Variants in DROSHA observed in about 807,000 individuals in gnomAD.
DROSHA encodes the protein drosha ribonuclease III, also known as ribonuclease 3.
A neutral mutation model predicts 181.9 loss-of-function variants in DROSHA; 56 were observed. The observed-to-expected ratio is 0.31, with a 90% confidence interval of 0.25 to 0.38. The LOEUF is 0.38. Ranked by LOEUF, DROSHA falls within the 10% of genes least tolerant of loss-of-function variation. The pLI is 1.00. For synonymous variants in DROSHA, 524 were observed against 591.2 expected, an observed-to-expected ratio of 0.89 and a Z score of 1.65; for missense variants, 1,218 against 1,743.5, an observed-to-expected ratio of 0.70 and a Z score of 5.37.
chr5:31,493,511 G>A (rs757711361), intron 12 of DROSHA, among the ~76,000 whole-genome samples: 5 of 152,130 alleles, frequency 3.3e-5, no homozygotes, highest in South Asian at 2.1e-4. Context: ...GTAATATTAT[G>A]GGTGCCATAA....
In DROSHA at chr5:31,502,666, G is replaced by A. The variant is rs552727926; in HGVS notation, c.1668+1889C>T. On this transcript the variant is annotated intron_variant, in intron 11 of 35. Coordinates refer to ENST00000344624, the MANE Select transcript of DROSHA (RefSeq NM_001382508.1). ...GGATCCCCACAGCTCCACCACTGTT[G>A]CACCAGCTCCCCTCCCTCAGCTGAT... Among the ~76,000 whole-genome samples the A allele has an allele frequency of 2.3e-4, 35 of 152,352 alleles. 1 individual carries two copies. The South Asian group carries it at 7.0e-3, about 31-fold the overall frequency.
chr5:31,464,520 G>A (rs1160583277), intron 19 of DROSHA, among the ~76,000 whole-genome samples, 177 bp from the exon 20 acceptor site: 1 of 148,280 alleles, frequency 6.7e-6, no homozygotes, highest in Non-Finnish European at 1.5e-5. Context: ...AATGCTCAAA[G>A]CTTGGGGTAT....
At chr5:31,488,650 T>C (rs1214949518) in intron 13 of DROSHA, among the ~76,000 whole-genome samples, 5 of 152,190 alleles carry the variant, frequency 3.3e-5, no homozygotes, top group Non-Finnish European at 5.9e-5. Context: ...TCAGGGCTTA[T>C]GGATATATGG....
At chr5:31,442,088 A>T (rs1745665533) in intron 23 of DROSHA, among the ~76,000 whole-genome samples, 1 of 152,238 alleles carries the variant, frequency 6.6e-6, no homozygotes, top group Non-Finnish European at 1.5e-5. Flanking sequence ...TCATGGAGAC[A>T]AAAACTACAT....
Position 31,401,303 on chromosome 5 carries a change from G to A in DROSHA, c.*129C>T, listed in dbSNP as rs139722849. The A allele has an allele frequency of 2.7e-5, 33 of 1,244,348 alleles. No homozygotes were observed. The East Asian group carries it at 4.5e-4, about 17-fold the overall frequency. The allele number at this position is 1,244,348 out of a possible 1,614,324, so 77.1% of individuals were successfully genotyped here. A position where few individuals can be genotyped will look rare whatever the true frequency, so the allele number is the denominator to read the frequency against. Reference sequence around the variant, plus strand: ...AACAGATCATTAAAACAACAATAGCGATTTGACTCTGTATTTTATTTCAAT... The same window carrying A: ...AACAGATCATTAAAACAACAATAGCAATTTGACTCTGTATTTTATTTCAAT... On this transcript the variant is annotated 3_prime_UTR_variant, in exon 36 of 36. Transcript: ENST00000344624.
chr5:31,466,593 T>C (rs1749039748), intron 18 of DROSHA: 1 of 228,806 alleles, frequency 4.4e-6, no homozygotes, highest in South Asian at 7.2e-5. Flanking sequence ...GGAATCATCC[T>C]GTTTCTCACT....
At position 31,531,532 on chromosome 5, in the gene DROSHA, T is replaced by G. The variant is rs751567771; in HGVS notation, c.-249-7A>C. ...GAGACACTGAAGGAGCTGTCTTGAA[T>G]AGTTAACACGGCCAGAACGTCAGTG... On this transcript the variant is annotated splice_polypyrimidine_tract_variant and splice_region_variant and intron_variant, in intron 1 of 35. Transcript: ENST00000344624. The G allele has an allele frequency of 2.0e-5, 3 of 152,226 alleles. No homozygotes were observed. The highest frequency in any genetic ancestry group is 4.4e-5 in the Non-Finnish European group (3 of 68,040). The allele number at this position is 152,226 out of a possible 1,614,324, so 9.4% of individuals were successfully genotyped here.
chr5:31,491,073 C>A (rs1486210574), intron 13 of DROSHA, among the ~76,000 whole-genome samples: 2 of 151,576 alleles, frequency 1.3e-5, no homozygotes, highest in African/African-American at 4.9e-5. Flanking sequence ...AAACCTAAAA[C>A]TACTATTTTT....
intron 14 of DROSHA, 139 bp downstream of exon 14, chr5:31,486,352 C>G: frequency 1.3e-6 from 1 of 787,184 alleles, no homozygotes; most frequent in East Asian, 2.7e-5. Context: ...ATTTCACTGA[C>G]TCTTTCAACA....
At position 31,526,269 on chromosome 5, in the gene DROSHA, G is replaced by A. The variant is rs373280782; in HGVS notation, c.664C>T (p.Pro222Ser). 2 of 1,613,680 alleles carry A rather than the reference G, an allele frequency of 1.2e-6. No individual in the cohort carries two copies. Among genetic ancestry groups the A allele is most frequent in the African/African-American group, 2.7e-5 (2 of 74,862 alleles). The change falls in exon 5 of 36, where the codon CCA becomes TCA. Residue 222 changes from proline (P) to serine (S), a missense_variant. Physicochemically the swap from Pro to Ser is moderately conservative, Grantham distance 74. Transcript: ENST00000344624. The stretch of plus-strand genomic sequence containing the variant: ...TCATCATAGTGTTTCAGCCTTTCTG[G>A]GGACCTTCTCTCACTGGGAGCCTTT... ...LPKAPSERRS[P>S]ERLKHYDDHR...
At chr5:31,432,260 T>C (rs946221501) in intron 25 of DROSHA, among the ~76,000 whole-genome samples, 2 of 151,700 alleles carry the variant, frequency 1.3e-5, no homozygotes, top group African/African-American at 2.4e-5. Context: ...CCCACCCGAG[T>C]AGATGGGACT....
chr5:31,501,846 G>C (rs182099946), intron 11 of DROSHA, among the ~76,000 whole-genome samples: 4 of 152,142 alleles, frequency 2.6e-5, no homozygotes, highest in Admixed American at 2.6e-4. Flanking sequence ...AGCTCCCGAC[G>C]GTCGGGGCAT....
intron 13 of DROSHA, among the ~76,000 whole-genome samples, chr5:31,491,663 C>T (rs1033745919): frequency 2.0e-5 from 3 of 146,580 alleles, no homozygotes; most frequent in African/African-American, 5.1e-5. Context: ...CTATGAGATT[C>T]GGTGTAACAA....
intron 3 of DROSHA, among the ~76,000 whole-genome samples, chr5:31,530,286 C>T (rs1157709454): frequency 6.6e-6 from 1 of 152,002 alleles, no homozygotes. Context: ...GCGCCTGACT[C>T]CTTATTACTA....
chr5:31,492,693 T>C lies in DROSHA; in HGVS notation c.1842+514A>G, dbSNP rs1580285897. On this transcript the variant is annotated intron_variant, in intron 13 of 35. Transcript: ENST00000344624. The stretch of plus-strand genomic sequence containing the variant: ...GATCAGGAACTTCCATTTGAACCAA[T>C]TACCAACAAAGCAGACTTAATACCT... Among the ~76,000 whole-genome samples, 3 of 152,284 alleles carry C rather than the reference T, an allele frequency of 2.0e-5. No individual in the cohort carries two copies. In the East Asian group the frequency reaches 5.8e-4, roughly 29 times the overall value.
In DROSHA at chr5:31,410,810, T is replaced by C; in HGVS notation, c.3603A>G (p.Ile1201Met). Residue 1201 changes from isoleucine (I) to methionine (M), a missense_variant, in exon 31 of 36, where the codon ATA becomes ATG. Physicochemically the swap from Ile to Met is conservative, Grantham distance 10. This residue lies in a region of DROSHA where 47 missense variants were observed against 70.6 expected (regional missense o/e 0.67). Coordinates refer to ENST00000344624, the MANE Select transcript of DROSHA (RefSeq NM_001382508.1). ...AEELGMQEYA[I>M]TNDKTKRPVA... ...CAGGCCTCTTGGTCTTGTCGTTGGT[T>C]ATGGCGTACTCCTGCATGCCCAGCT... is the stretch of plus-strand genomic sequence containing the variant. 6.2e-7 allele frequency: 1 copy of C among 1,613,984 alleles called. No individual in the cohort carries two copies. The highest frequency in any genetic ancestry group is 8.5e-7 in the Non-Finnish European group (1 of 1,179,842).
chr5:31,511,830 C>T (rs1251874148), intron 8 of DROSHA, among the ~76,000 whole-genome samples: 8 of 152,098 alleles, frequency 5.3e-5, no homozygotes, highest in Non-Finnish European at 1.0e-4. Flanking sequence ...GGAATGTACA[C>T]TTCCTACTGA....
At chr5:31,451,289 A>C (rs1384309996) in intron 21 of DROSHA, among the ~76,000 whole-genome samples, 2 of 152,214 alleles carry the variant, frequency 1.3e-5, no homozygotes, top group Non-Finnish European at 2.9e-5. Context: ...GAAAAGTCGG[A>C]ATAAGGTACT....
chr5:31,460,482 C>T (rs1748279956), intron 20 of DROSHA, among the ~76,000 whole-genome samples: 1 of 152,120 alleles, frequency 6.6e-6, no homozygotes, highest in African/African-American at 2.4e-5. Flanking sequence ...TCAGATTTAA[C>T]GCAATGGTTT....
Sources: gnomAD v4.1 joint callset for allele counts (sites outside exome capture counted in the v4.1 genomes callset) on GRCh38, gnomAD v4.1.1 for gene constraint, gnomAD v4.1.1 regional missense constraint, MANE v1.5 for transcripts, NCBI Gene and HGNC (gene_info 2026-07-23, HGNC 2026-07-21) for gene names.